Variants in PDE4B observed in about 807,000 individuals in gnomAD.
PDE4B encodes the protein phosphodiesterase 4B.
In PDE4B, 20 loss-of-function variants were observed where a neutral mutation model predicts 82.2. That is an observed-to-expected ratio of 0.24 (90% CI 0.17 to 0.35). The LOEUF is 0.35. Among genes scored for constraint, PDE4B ranks in the 10% least tolerant of loss-of-function variants. PDE4B has a pLI of 1.00. For synonymous variants in PDE4B, 320 were observed against 318.9 expected (o/e 1.00, Z -0.04); for missense variants, 655 against 907.2 (o/e 0.72, Z 3.57).
chr1:66,185,631 A>G (rs1426390858), intron 3 of PDE4B, among the ~76,000 whole-genome samples: 5 of 152,152 alleles, frequency 3.3e-5, no homozygotes, highest in Non-Finnish European at 5.9e-5. Flanking sequence ...TGGCTGCATA[A>G]ATGTCTTCTT....
At chr1:65,950,889 C>CTA (rs1201226101) in intron 3 of PDE4B, among the ~76,000 whole-genome samples, 3 of 152,078 alleles carry the variant, frequency 2.0e-5, no homozygotes, top group African/African-American at 7.2e-5. Context: ...CTATTAGGAA[C>CTA]TATAATGATC....
chr1:66,362,276 A>G (rs1309225804), intron 10 of PDE4B, among the ~76,000 whole-genome samples: 1 of 152,206 alleles, frequency 6.6e-6, no homozygotes, highest in Non-Finnish European at 1.5e-5. Context: ...ACTAATCTGT[A>G]GTGCTGGAAA....
intron 3 of PDE4B, among the ~76,000 whole-genome samples, chr1:65,962,888 G>C (rs907016232): frequency 6.6e-6 from 1 of 152,094 alleles, no homozygotes; most frequent in Non-Finnish European, 1.5e-5. Context: ...AATTACAGAC[G>C]AAAACCTCCA....
chr1:65,919,830 A>G (rs1647205809), intron 3 of PDE4B, among the ~76,000 whole-genome samples: 1 of 152,188 alleles, frequency 6.6e-6, no homozygotes, highest in Non-Finnish European at 1.5e-5. Context: ...CGGCATCTTG[A>G]CATCCTTTAG....
In PDE4B at chr1:66,266,805, A is replaced by G. The variant is rs571850466; in HGVS notation, c.634+718A>G. 1.3e-4 allele frequency: 55 copies of G among 438,652 alleles called. 1 individual carries two copies. In the East Asian group the frequency reaches 3.3e-3, roughly 26 times the overall value. 27.2% of individuals were successfully genotyped at this position (438,652 alleles called of 1,614,324 possible). ...TGCAACCAGTTCTATGATATTTGTT[A>G]AAGTCCAAATAATGTTTTCTCCTAA... is the stretch of plus-strand genomic sequence containing the variant. On this transcript the variant is annotated intron_variant, in intron 7 of 16. Transcript: ENST00000341517.
At chr1:65,938,811 A>G (rs1648289846) in intron 3 of PDE4B, among the ~76,000 whole-genome samples, 1 of 152,086 alleles carries the variant, frequency 6.6e-6, no homozygotes, top group Admixed American at 6.6e-5. Flanking sequence ...GGAGAGATGC[A>G]ATTTGAAAGG....
rs556434707 is a variant in PDE4B, at chr1:66,076,869, C to T, written c.281+158034C>T. On this transcript the variant is annotated intron_variant, in intron 3 of 16. Coordinates refer to ENST00000341517, the MANE Select transcript of PDE4B (RefSeq NM_002600.4). ...CTTTTTAATGGGGTTACTTGTTTTTCGCATGTTAATTTGTTTAAATTTTTT... is the reference window on the plus strand; with the variant it reads ...CTTTTTAATGGGGTTACTTGTTTTTTGCATGTTAATTTGTTTAAATTTTTT... Among the ~76,000 whole-genome samples, 303 of 151,916 alleles carry T rather than the reference C, an allele frequency of 2.0e-3. 1 individual carries two copies. Among genetic ancestry groups the T allele is most frequent in the African/African-American group, 6.9e-3 (287 of 41,458 alleles).
intron 6 of PDE4B, among the ~76,000 whole-genome samples, chr1:66,261,479 G>A (rs1654676545): frequency 6.6e-6 from 1 of 152,154 alleles, no homozygotes; most frequent in Non-Finnish European, 1.5e-5. Flanking sequence ...GATCCAGGGT[G>A]CCACTCCCTG....
intron 3 of PDE4B, among the ~76,000 whole-genome samples, chr1:65,983,809 GTAATATATAC>G (rs1466783114): frequency 4.7e-4 from 3 of 6,346 alleles, no homozygotes. Flanking sequence ...CCCTAATAAC[GTAATATATAC>G]TATTGTGTAT....
chr1:65,844,673 T>C (rs1446702816), intron 1 of PDE4B, among the ~76,000 whole-genome samples: 1 of 152,192 alleles, frequency 6.6e-6, no homozygotes, highest in Non-Finnish European at 1.5e-5. Context: ...AAAAGGCTGC[T>C]GTCTTTAATA....
rs142809692 is a variant in PDE4B at position 66,130,630 on chromosome 1, A to G, written c.282-116830A>G. On this transcript the variant is annotated intron_variant, in intron 3 of 16. Transcript: ENST00000341517. ...AAAGATAGACACCTCACCCAGAATC[A>G]TGGTCCTTCCTGGGGGCAGCCTGCA... Among the ~76,000 whole-genome samples the G allele has an allele frequency of 6.0e-3, 908 of 152,306 alleles. 5 individuals are homozygous for G. Among genetic ancestry groups the G allele is most frequent in the Middle Eastern group, 0.02 (6 of 294 alleles).
chr1:66,175,293 A>G (rs1646912462), intron 3 of PDE4B, among the ~76,000 whole-genome samples: 1 of 152,202 alleles, frequency 6.6e-6, no homozygotes, highest in Non-Finnish European at 1.5e-5. Context: ...GAAGAAGCCA[A>G]GTTTCAGACT....
At chr1:65,920,293 T>C (rs539729585) in intron 3 of PDE4B, among the ~76,000 whole-genome samples, 1 of 152,306 alleles carries the variant, frequency 6.6e-6, no homozygotes, top group African/African-American at 2.4e-5. Context: ...CGCAGACTAT[T>C]CTCCTGAAGC....
In PDE4B at chr1:66,336,978, T is replaced by C. The variant is rs562049024; in HGVS notation, c.747+4358T>C. On this transcript the variant is annotated intron_variant, in intron 8 of 16. Coordinates refer to ENST00000341517, the MANE Select transcript of PDE4B (RefSeq NM_002600.4). Reference sequence around the variant, plus strand: ...CTGGATGGTGATCATGACAGGCTGATTGCCCTAATGAGGGGTGAACCATTT... The same window carrying C: ...CTGGATGGTGATCATGACAGGCTGACTGCCCTAATGAGGGGTGAACCATTT... Among the ~76,000 whole-genome samples, 70 of 152,314 alleles carry C rather than the reference T, an allele frequency of 4.6e-4. 1 individual carries two copies. In the South Asian group the frequency reaches 0.014, roughly 31 times the overall value.
At chr1:66,214,221 G>A (rs1179052222) in intron 3 of PDE4B, among the ~76,000 whole-genome samples, 1 of 152,188 alleles carries the variant, frequency 6.6e-6, no homozygotes, top group Non-Finnish European at 1.5e-5. Context: ...ACAGGAAACT[G>A]TACATCTGGG....
chr1:66,229,277 G>C (rs1346174785), intron 3 of PDE4B, among the ~76,000 whole-genome samples: 1 of 151,842 alleles, frequency 6.6e-6, no homozygotes, highest in African/African-American at 2.4e-5. Context: ...CCAAAGTGCT[G>C]GGATTACAGG....
chr1:66,168,347 G>GA (rs962504849), intron 3 of PDE4B, among the ~76,000 whole-genome samples: 3 of 150,660 alleles, frequency 2.0e-5, no homozygotes, highest in Admixed American at 1.3e-4. Context: ...GATGTTGTGA[G>GA]AAAAAAAAAG....
At chr1:66,126,382 G>A (rs1486431441) in intron 3 of PDE4B, among the ~76,000 whole-genome samples, 2 of 152,106 alleles carry the variant, frequency 1.3e-5, no homozygotes, top group South Asian at 2.1e-4. Context: ...AGAGGTAGAA[G>A]CTTTCACTAT....
At chr1:65,957,385 A>T (rs1649316152) in intron 3 of PDE4B, among the ~76,000 whole-genome samples, 1 of 151,142 alleles carries the variant, frequency 6.6e-6, no homozygotes, top group African/African-American at 2.4e-5. Flanking sequence ...TTACACAGCA[A>T]GCTATCATTT....
Sources: allele counts gnomAD v4.1 joint callset (sites outside exome capture counted in the v4.1 genomes callset), GRCh38; gene constraint gnomAD v4.1.1; transcripts MANE v1.5; gene names NCBI Gene and HGNC (gene_info 2026-07-23, HGNC 2026-07-21).